The following ARHGAP6 variants were observed in gnomAD, a reference collection of about 807,000 sequenced individuals.
The protein encoded by ARHGAP6 is Rho GTPase activating protein 6.
Under a neutral mutation model 55.7 loss-of-function variants are expected in ARHGAP6, and 16 were observed. The observed-to-expected ratio is 0.29, with a 90% CI of 0.19 to 0.44. The LOEUF (loss-of-function observed/expected upper bound fraction) is 0.44, where lower values mean the gene tolerates loss of function less well. Among genes scored for constraint, ARHGAP6 ranks in the 20% least tolerant of loss-of-function variants. ARHGAP6 has a pLI of 1.00. For missense variants in ARHGAP6, 698 were observed against 808.9 expected (o/e 0.86, Z 1.66); for synonymous variants, 382 against 360.9 (o/e 1.06, Z -0.66).
intron 1 of ARHGAP6, among the ~76,000 whole-genome samples, chrX:11,327,182 A>G (rs1372048459): frequency 3.6e-5 from 4 of 112,378 alleles, no homozygotes; most frequent in Non-Finnish European, 7.5e-5. Flanking sequence ...ACATGTCATC[A>G]ACACTTCAGG....
intron 1 of ARHGAP6, among the ~76,000 whole-genome samples, chrX:11,266,961 C>G (rs774450759): frequency 8.1e-5 from 9 of 111,506 alleles, no homozygotes; most frequent in Non-Finnish European, 1.7e-4. Flanking sequence ...GTAAAATATT[C>G]CAGGTGGTTT....
intron 1 of ARHGAP6, among the ~76,000 whole-genome samples, chrX:11,493,465 G>T (rs989218055): frequency 3.6e-5 from 4 of 111,985 alleles, no homozygotes; most frequent in African/African-American, 1.3e-4. Context: ...CAATGAGATG[G>T]CACAATTCAT....
intron 1 of ARHGAP6, among the ~76,000 whole-genome samples, chrX:11,648,473 A>G (rs1322247575): frequency 8.9e-6 from 1 of 112,058 alleles, no homozygotes; most frequent in East Asian, 2.8e-4. Flanking sequence ...TGCATCTTAC[A>G]ATTGCTCTTT....
rs148205467 is a variant in ARHGAP6, at chrX:11,327,911, G to T, written c.589-73204C>A. ...CTTTGATTATTCTACACCATTACAA[G>T]ATACTTTACAGGGTTTTAAAGGTAC... On this transcript the variant is annotated intron_variant, in intron 1 of 12. Transcript: ENST00000337414. 7.8e-4 allele frequency among the ~76,000 whole-genome samples: 87 copies of T among 111,836 alleles called. 1 individual carries two copies. The highest frequency in any genetic ancestry group is 2.8e-3 in the African/African-American group (85 of 30,794).
intron 10 of ARHGAP6, among the ~76,000 whole-genome samples, chrX:11,149,528 G>A (rs1037114152): frequency 1.8e-5 from 2 of 111,260 alleles, no homozygotes; most frequent in African/African-American, 3.3e-5. Flanking sequence ...AACAGCTACC[G>A]CCACTCAATA....
chrX:11,646,284 A>T (rs2052526160), intron 1 of ARHGAP6, among the ~76,000 whole-genome samples: 1 of 111,548 alleles, frequency 9.0e-6, no homozygotes, highest in East Asian at 2.8e-4. Context: ...ACACATGAGG[A>T]TTAAAAATCA....
At chrX:11,160,485 C>A in intron 9 of ARHGAP6, among the ~76,000 whole-genome samples, 1 of 108,948 alleles carries the variant, frequency 9.2e-6, no homozygotes, top group East Asian at 2.8e-4. Context: ...TCGCTCCAAG[C>A]ACTAATCCAT....
intron 5 of ARHGAP6, 123 bp from the exon 6 acceptor site, chrX:11,182,241 C>T (rs2046323812): frequency 4.3e-6 from 2 of 468,282 alleles, no homozygotes; most frequent in South Asian, 8.0e-5. Context: ...AACTTGACAG[C>T]ATACAGTAAT....
chrX:11,331,240 G>T (rs1311269696), intron 1 of ARHGAP6, among the ~76,000 whole-genome samples: 1 of 111,966 alleles, frequency 8.9e-6, no homozygotes, highest in Non-Finnish European at 1.9e-5. Context: ...AGGAAGAAAT[G>T]CTTCTCAGAG....
At chrX:11,274,971 T>C (rs1012651064) in intron 1 of ARHGAP6, among the ~76,000 whole-genome samples, 3 of 111,903 alleles carry the variant, frequency 2.7e-5, no homozygotes, top group South Asian at 3.8e-4. Flanking sequence ...GTGAAATCAG[T>C]AGCATGGACT....
rs937359351 is a variant in ARHGAP6, at chrX:11,610,437, T to C, written c.588+53804A>G. 3.6e-5 allele frequency among the ~76,000 whole-genome samples: 4 copies of C among 110,942 alleles called. No homozygotes were observed. The East Asian group carries it at 1.1e-3, about 32-fold the overall frequency. ...GGTGAGAAACTGAGGCTGAGAAAGA[T>C]GAAATGACCCATCCAAATTCACACA... On this transcript the variant is annotated intron_variant, in intron 1 of 12. Transcript: ENST00000337414.
intron 10 of ARHGAP6, among the ~76,000 whole-genome samples, chrX:11,150,887 T>A (rs767978979): frequency 8.9e-6 from 1 of 112,752 alleles, no homozygotes; most frequent in Non-Finnish European, 1.9e-5. Context: ...CTAGTCTTTT[T>A]AAAATTTTGA....
chrX:11,607,320 C>T (rs1201782485), intron 1 of ARHGAP6, among the ~76,000 whole-genome samples: 1 of 111,761 alleles, frequency 8.9e-6, no homozygotes, highest in Non-Finnish European at 1.9e-5. Context: ...AGATGTTGAA[C>T]AGTGACAATG....
chrX:11,450,518 G>C (rs2050135009), intron 1 of ARHGAP6, among the ~76,000 whole-genome samples: 1 of 111,752 alleles, frequency 8.9e-6, no homozygotes, highest in Admixed American at 9.5e-5. Context: ...CTTCACTGCA[G>C]GGCTCTGGTG....
intron 1 of ARHGAP6, among the ~76,000 whole-genome samples, chrX:11,450,432 G>A (rs1037507592): frequency 3.6e-5 from 4 of 111,703 alleles, no homozygotes; most frequent in Non-Finnish European, 5.7e-5. Context: ...ACAATATGAG[G>A]AGAAGAGAAA....
intron 1 of ARHGAP6, among the ~76,000 whole-genome samples, chrX:11,640,682 C>T (rs140137518): frequency 7.4e-4 from 82 of 111,319 alleles, no homozygotes; most frequent in African/African-American, 2.5e-3. Flanking sequence ...GGCTGCTTCT[C>T]TCCTGGAGGC....
At chrX:11,404,267 G>A (rs1046962205) in intron 1 of ARHGAP6, among the ~76,000 whole-genome samples, 2 of 110,971 alleles carry the variant, frequency 1.8e-5, no homozygotes, top group African/African-American at 6.6e-5. Flanking sequence ...GAACCTATGA[G>A]AGTAGCAGGC....
chrX:11,349,123 CAG>C (rs1042292569), intron 1 of ARHGAP6, among the ~76,000 whole-genome samples: 1 of 107,665 alleles, frequency 9.3e-6, no homozygotes, highest in African/African-American at 3.4e-5. Context: ...AGGATAGAGA[CAG>C]AGTTAGGATA....
chrX:11,310,878 C>T (rs1214234038), intron 1 of ARHGAP6, among the ~76,000 whole-genome samples: 1 of 112,035 alleles, frequency 8.9e-6, no homozygotes, highest in Non-Finnish European at 1.9e-5. Flanking sequence ...TGGCTCCCTT[C>T]TCTCCATGTC....
Sources: allele counts gnomAD v4.1 joint callset (sites outside exome capture counted in the v4.1 genomes callset), GRCh38; gene constraint gnomAD v4.1.1; transcripts MANE v1.5; gene names NCBI Gene and HGNC (gene_info 2026-07-23, HGNC 2026-07-21).